Variants in ADGRD1 observed in about 807,000 individuals in gnomAD.
The protein encoded by ADGRD1 is adhesion G protein-coupled receptor D1.
In ADGRD1, 77 loss-of-function variants were observed where a neutral mutation model predicts 113.4. The ratio of observed to expected loss-of-function variants is 0.68; its 90% CI spans 0.57 to 0.82. The LOEUF (loss-of-function observed/expected upper bound fraction) is 0.82. ADGRD1 is among the 40% of genes least tolerant of loss of function. The pLI, the probability that ADGRD1 is intolerant of heterozygous loss-of-function variation, is 0.00. For synonymous variants in ADGRD1, 474 were observed against 475.0 expected (o/e 1.00, Z 0.03); for missense variants, 1,036 against 1,139.1 (o/e 0.91, Z 1.30).
chr12:131,134,029 G>T (rs1951005297), intron 21 of ADGRD1, among the ~76,000 whole-genome samples: 1 of 152,232 alleles, frequency 6.6e-6, no homozygotes, highest in Non-Finnish European at 1.5e-5. Context: ...TCTGAGCAGG[G>T]GGAGAAGCCT....
At chr12:131,122,391 T>TA (rs199673596) in intron 20 of ADGRD1, among the ~76,000 whole-genome samples, 2,488 of 152,166 alleles carry the variant, frequency 0.016, 66 homozygotes, top group African/African-American at 0.055. Context: ...CTTGAGCTCT[T>TA]AGGGTCTGGG....
At position 131,042,385 on chromosome 12, in the gene ADGRD1, C is replaced by T. The variant is rs559310849; in HGVS notation, c.1473+28045C>T. ...CCCCCTGAGCCGCGTTCTTGCTGCCCCGACACTGATGAGCCAAGAGGAATG... is the reference window on the plus strand; with the variant it reads ...CCCCCTGAGCCGCGTTCTTGCTGCCTCGACACTGATGAGCCAAGAGGAATG... On this transcript the variant is annotated intron_variant, in intron 13 of 24. Transcript: ENST00000261654. Among the ~76,000 whole-genome samples the T allele has an allele frequency of 3.3e-5, 5 of 152,310 alleles. No homozygotes were observed. In the East Asian group the frequency reaches 9.6e-4, roughly 29 times the overall value.
chr12:131,014,550 G>A (rs772449405), intron 13 of ADGRD1, among the ~76,000 whole-genome samples: 1 of 152,198 alleles, frequency 6.6e-6, no homozygotes, highest in Non-Finnish European at 1.5e-5. Context: ...GGCTGGCCAC[G>A]CGGTGTCGAT....
intron 13 of ADGRD1, among the ~76,000 whole-genome samples, chr12:131,074,965 A>C (rs976527349): frequency 6.6e-6 from 1 of 152,170 alleles, no homozygotes; most frequent in Non-Finnish European, 1.5e-5. Flanking sequence ...TCCAGAGGCC[A>C]CAGCAGCCTC....
intron 3 of ADGRD1, chr12:130,970,146 G>A (rs1289438642): frequency 4.6e-5 from 7 of 152,138 alleles, no homozygotes; most frequent in Non-Finnish European, 8.8e-5. Context: ...GAGCCTACAT[G>A]GCTCAACATG....
rs529580574 is a variant in ADGRD1 at position 131,043,004 on chromosome 12, C to A, written c.1473+28664C>A. On this transcript the variant is annotated intron_variant, in intron 13 of 24. Coordinates refer to ENST00000261654, the MANE Select transcript of ADGRD1 (RefSeq NM_198827.5). The stretch of plus-strand genomic sequence containing the variant: ...CGCCCTGCGGCCCTGCCAACCTGTG[C>A]CCTCCTGGGCAGGGCCCAGCCTGGC... Among the ~76,000 whole-genome samples the A allele has an allele frequency of 2.2e-3, 341 of 152,340 alleles. 1 individual carries two copies. The highest frequency in any genetic ancestry group is 7.9e-3 in the African/African-American group (328 of 41,582).
chr12:131,046,491 GTC>G (rs2137017105), intron 13 of ADGRD1, among the ~76,000 whole-genome samples: 1 of 135,376 alleles, frequency 7.4e-6, no homozygotes, highest in Non-Finnish European at 1.6e-5. Context: ...CCTGGTCAGT[GTC>G]CTCCCTGGTC....
At chr12:131,048,958 G>A (rs1377882964) in intron 13 of ADGRD1, among the ~76,000 whole-genome samples, 2 of 152,210 alleles carry the variant, frequency 1.3e-5, no homozygotes, top group Non-Finnish European at 2.9e-5. Flanking sequence ...GGAAGCACAA[G>A]GAGAATGGGT....
intron 13 of ADGRD1, among the ~76,000 whole-genome samples, chr12:131,040,339 C>T (rs1412250313): frequency 6.6e-6 from 1 of 152,200 alleles, no homozygotes; most frequent in Non-Finnish European, 1.5e-5. Flanking sequence ...AAAAAGAACA[C>T]AGGGTGAATC....
intron 5 of ADGRD1, among the ~76,000 whole-genome samples, chr12:130,982,423 G>A (rs1166506718): frequency 6.6e-6 from 1 of 152,228 alleles, no homozygotes. Context: ...GGTGTGCAAA[G>A]TGCAAGCAGT....
chr12:131,021,644 C>G (rs934537210), intron 13 of ADGRD1, among the ~76,000 whole-genome samples: 4 of 152,156 alleles, frequency 2.6e-5, no homozygotes, highest in African/African-American at 9.7e-5. Flanking sequence ...CCTCGGCTTG[C>G]AGACAGTGTC....
intron 15 of ADGRD1, among the ~76,000 whole-genome samples, chr12:131,098,675 C>T (rs1235937589): frequency 1.3e-5 from 2 of 152,198 alleles, no homozygotes. Context: ...GTGAGGGCCA[C>T]CATCCCTCTT....
In ADGRD1 at chr12:131,014,353, G is replaced by C. The variant is rs758834618; in HGVS notation, c.1473+13G>C. On this transcript the variant is annotated intron_variant, in intron 13 of 24. Transcript: ENST00000261654. ...CAAGCACAGATTGGTGAGTGGCGGT[G>C]CCTTCACCCTTGTCGCCGCCTTTGA... is the stretch of plus-strand genomic sequence containing the variant. 6.2e-7 allele frequency: 1 copy of C among 1,605,960 alleles called. No individual in the cohort carries two copies. Among genetic ancestry groups the C allele is most frequent in the African/African-American group, 1.3e-5 (1 of 74,678 alleles).
intron 2 of ADGRD1, among the ~76,000 whole-genome samples, chr12:130,963,344 AAAG>A (rs1310664961): frequency 4.1e-4 from 43 of 105,954 alleles, no homozygotes; most frequent in Non-Finnish European, 6.0e-4. Context: ...AAAAAAAAAG[AAAG>A]AAAAATTCAA....
intron 9 of ADGRD1, among the ~76,000 whole-genome samples, chr12:131,001,365 AAAAT>A (rs1295194089): frequency 1.3e-5 from 2 of 152,262 alleles, no homozygotes; most frequent in Non-Finnish European, 2.9e-5. Flanking sequence ...AATAAAAAAC[AAAAT>A]AAAAATCACT....
At chr12:130,975,211 C>T (rs770984584) in intron 4 of ADGRD1, among the ~76,000 whole-genome samples, 4 of 152,116 alleles carry the variant, frequency 2.6e-5, no homozygotes, top group African/African-American at 4.8e-5. Context: ...GTAAACTTTA[C>T]GGGGATGAGC....
intron 20 of ADGRD1, among the ~76,000 whole-genome samples, chr12:131,122,366 C>T (rs1950619139): frequency 6.6e-6 from 1 of 152,066 alleles, no homozygotes; most frequent in Non-Finnish European, 1.5e-5. Flanking sequence ...GAGGGGACGC[C>T]TTTGGGGCTG....
chr12:131,029,407 C>T (rs1880351855), intron 13 of ADGRD1, among the ~76,000 whole-genome samples: 1 of 152,370 alleles, frequency 6.6e-6, no homozygotes. Context: ...CTCCCACCTC[C>T]AGACGTTTAA....
chr12:131,118,363 G>T, intron 18 of ADGRD1, 22 bp from the exon 19 acceptor site: 2 of 1,586,218 alleles, frequency 1.3e-6, no homozygotes, highest in Non-Finnish European at 1.7e-6. Flanking sequence ...AAGTGAACAT[G>T]ATATTCTCCA....
Sources: gnomAD v4.1 joint callset for allele counts (sites outside exome capture counted in the v4.1 genomes callset) on GRCh38, gnomAD v4.1.1 for gene constraint, MANE v1.5 for transcripts, NCBI Gene and HGNC (gene_info 2026-07-23, HGNC 2026-07-21) for gene names.